Variants in RYR3 observed in about 807,000 individuals in gnomAD.
RYR3 encodes brain ryanodine receptor-calcium release channel.
In RYR3, 207 loss-of-function variants were observed where a neutral mutation model predicts 584.3. The observed-to-expected ratio is 0.35, with a 90% CI of 0.32 to 0.40. RYR3 has a LOEUF of 0.40. Among genes scored for constraint, RYR3 ranks in the 10% least tolerant of loss-of-function variants. The probability of loss-of-function intolerance (pLI) is 1.00; values close to 1 mark genes in which losing one functional copy is unlikely to be tolerated. For synonymous variants in RYR3, 2,416 were observed against 2,248.5 expected (o/e 1.07, Z -2.11); for missense variants, 5,616 against 6,089.2 (o/e 0.92, Z 2.59).
At position 33,731,550 on chromosome 15, in the gene RYR3, G is replaced by T; in HGVS notation, c.7280G>T (p.Arg2427Ile). Residue 2427 changes from arginine (R) to isoleucine (I), a missense_variant, in exon 48 of 104, where the codon AGA becomes ATA. Physicochemically the swap from Arg to Ile is moderately conservative, Grantham distance 97. Around this residue, in one of 9 missense-constraint regions of RYR3, gnomAD observed 1,280 missense variants for 1,426.2 expected, o/e 0.90. Transcript: ENST00000634891. The stretch of plus-strand genomic sequence containing the variant: ...TCTGCTGTGCTCCCGCTCCTCACAA[G>T]ATGTGCCCCTCTCTTTGCCGGAACA... ...ICSAVLPLLT[R>I]CAPLFAGTEH... 6.2e-7 allele frequency: 1 copy of T among 1,613,912 alleles called. No homozygotes were observed. Among genetic ancestry groups the T allele is most frequent in the Non-Finnish European group, 8.5e-7 (1 of 1,179,852 alleles).
intron 18 of RYR3, among the ~76,000 whole-genome samples, chr15:33,606,440 C>T (rs953402061): frequency 2.0e-5 from 3 of 152,194 alleles, no homozygotes; most frequent in African/African-American, 7.2e-5. Context: ...ACCCCCATTC[C>T]ATGCTGAATG....
intron 60 of RYR3, among the ~76,000 whole-genome samples, chr15:33,763,745 T>G (rs146803904): frequency 0.28 from 42,052 of 151,608 alleles, 7,181 homozygotes; most frequent in Admixed American, 0.47. Context: ...TACAAAAAAT[T>G]AGCCAGGCAT....
rs1323314044 is a variant in RYR3 at position 33,577,090 on chromosome 15, T to TA, written c.1269-2880dup. ...GTGAAGGACTTCTTCAAGGAGAACT[T>TA]AAAAAACACTCGTCAAAGAAATTAG... On this transcript the variant is annotated intron_variant, in intron 12 of 103. Transcript: ENST00000634891. 3.3e-5 allele frequency among the ~76,000 whole-genome samples: 5 copies of TA among 152,066 alleles called. No homozygotes were observed. The East Asian group carries it at 9.7e-4, about 29-fold the overall frequency.
At chr15:33,555,753 A>T (rs901125762) in intron 10 of RYR3, among the ~76,000 whole-genome samples, 1 of 152,212 alleles carries the variant, frequency 6.6e-6, no homozygotes, top group African/African-American at 2.4e-5. Flanking sequence ...GTTAAATGAG[A>T]AATACGGAGA....
At chr15:33,571,701 G>C (rs1194970740) in intron 12 of RYR3, among the ~76,000 whole-genome samples, 1 of 152,092 alleles carries the variant, frequency 6.6e-6, no homozygotes, top group African/African-American at 2.4e-5. Flanking sequence ...TGAATATAAA[G>C]TGTGTCCCTT....
At chr15:33,792,705 G>C (rs1452551320) in intron 67 of RYR3, among the ~76,000 whole-genome samples, 1 of 152,186 alleles carries the variant, frequency 6.6e-6, no homozygotes, top group Non-Finnish European at 1.5e-5. Flanking sequence ...AAATGTGAAG[G>C]CTTGTGGGAA....
chr15:33,464,493 CATATATAT>C (rs761907118), intron 1 of RYR3, among the ~76,000 whole-genome samples: 1,350 of 107,290 alleles, frequency 0.013, 65 homozygotes, highest in African/African-American at 0.048. Flanking sequence ...TATATATACA[CATATATAT>C]ATACATACAC....
chr15:33,697,940 A>C lies in RYR3; in HGVS notation c.6193A>C (p.Met2065Leu). 1 of 1,614,028 alleles carries C rather than the reference A, an allele frequency of 6.2e-7. No individual in the cohort carries two copies. Among genetic ancestry groups the C allele is most frequent in the East Asian group, 2.2e-5 (1 of 44,886 alleles). Residue 2065 changes from methionine to leucine, a missense_variant, in exon 40 of 104, where the codon ATG becomes CTG. Met to Leu is a conservative substitution (Grantham distance 15, BLOSUM62 2). Coordinates refer to ENST00000634891, the MANE Select transcript of RYR3 (RefSeq NM_001036.6). The part of the protein sequence containing the change: ...QHPNLMRVLG[M>L]HETVMEVMVN... ...TCCCAACCTCATGAGAGTCCTGGGC[A>C]TGCACGAGACGGTGATGGAGGTGAT...
chr15:33,335,691 TTAAAA>T (rs1970879748), intron 1 of RYR3, among the ~76,000 whole-genome samples: 1 of 151,596 alleles, frequency 6.6e-6, no homozygotes, highest in South Asian at 2.1e-4. Context: ...ACACTTGAGC[TTAAAA>T]TAAAAGTGAA....
At chr15:33,397,092 T>A (rs769767756) in intron 1 of RYR3, among the ~76,000 whole-genome samples, 1 of 152,180 alleles carries the variant, frequency 6.6e-6, no homozygotes, top group Non-Finnish European at 1.5e-5. Flanking sequence ...CTGAAAAAAT[T>A]ACAATGTATA....
At chr15:33,764,467 A>G (rs1218134776) in intron 60 of RYR3, among the ~76,000 whole-genome samples, 2 of 151,990 alleles carry the variant, frequency 1.3e-5, no homozygotes, top group African/African-American at 4.8e-5. Context: ...TAGGAGAAAT[A>G]CCTAATGTAG....
Position 33,636,467 on chromosome 15 carries a change from C to CAATGATCT in RYR3, c.3474_3481dup (p.Phe1161Ter). The CAATGATCT allele has an allele frequency of 6.2e-7, 1 of 1,613,682 alleles. No homozygotes were observed. The highest frequency in any genetic ancestry group is 8.5e-7 in the Non-Finnish European group (1 of 1,179,750). ...TGTATGATTAACCTGGATGATGCTT[C>CAATGATCT]AATGATCTTCACACTGAATGGGGAG... is the stretch of plus-strand genomic sequence containing the variant. On this transcript the variant is annotated frameshift_variant, in exon 27 of 104. Coordinates refer to ENST00000634891, the MANE Select transcript of RYR3 (RefSeq NM_001036.6). LOFTEE classifies it high-confidence loss of function.
At chr15:33,500,018 C>G (rs1383558932) in intron 2 of RYR3, among the ~76,000 whole-genome samples, 2 of 152,180 alleles carry the variant, frequency 1.3e-5, no homozygotes, top group Admixed American at 1.3e-4. Context: ...CAGCCATAAT[C>G]AGCACCACAC....
intron 3 of RYR3, among the ~76,000 whole-genome samples, chr15:33,529,823 C>T (rs913136445): frequency 6.6e-6 from 1 of 152,154 alleles, no homozygotes; most frequent in African/African-American, 2.4e-5. Flanking sequence ...AGTTTTGTCT[C>T]CTATCATGTA....
intron 45 of RYR3, among the ~76,000 whole-genome samples, chr15:33,724,974 G>A (rs2068238383): frequency 6.6e-6 from 1 of 151,992 alleles, no homozygotes; most frequent in South Asian, 2.1e-4. Context: ...GGCGGGGGTG[G>A]AGAGGGTCAG....
chr15:33,554,686 G>C (rs555145934), intron 10 of RYR3, among the ~76,000 whole-genome samples: 1 of 152,278 alleles, frequency 6.6e-6, no homozygotes, highest in South Asian at 2.1e-4. Context: ...CAATGAGAGA[G>C]ATTCATTTTA....
rs772108766 is a variant in RYR3, at chr15:33,861,073, C to G, written c.14365-5C>G. ...AATGCCTTTTCTGCCTGTTATTTTT[C>G]TTAGACTAAATGTTTCATCTGTGGG... is the stretch of plus-strand genomic sequence containing the variant. On this transcript the variant is annotated splice_polypyrimidine_tract_variant and splice_region_variant and intron_variant, in intron 101 of 103. Coordinates refer to ENST00000634891, the MANE Select transcript of RYR3 (RefSeq NM_001036.6). The G allele has an allele frequency of 1.3e-6, 2 of 1,574,316 alleles. No individual in the cohort carries two copies. The highest frequency in any genetic ancestry group is 1.3e-5 in the African/African-American group (1 of 74,244).
intron 1 of RYR3, among the ~76,000 whole-genome samples, chr15:33,434,680 T>A (rs1050119970): frequency 6.6e-6 from 1 of 152,184 alleles, no homozygotes; most frequent in African/African-American, 2.4e-5. Context: ...TACCGATAAC[T>A]GTGTGCCCCT....
intron 14 of RYR3, among the ~76,000 whole-genome samples, chr15:33,583,083 C>T (rs2152518910): frequency 6.6e-6 from 1 of 152,274 alleles, no homozygotes; most frequent in Non-Finnish European, 1.5e-5. Flanking sequence ...TAGGAACAGA[C>T]ATCAGGATCA....
Sources: gnomAD v4.1 joint callset for allele counts (sites outside exome capture counted in the v4.1 genomes callset) on GRCh38, gnomAD v4.1.1 for gene constraint, gnomAD v4.1.1 regional missense constraint, MANE v1.5 for transcripts, NCBI Gene and HGNC (gene_info 2026-07-23, HGNC 2026-07-21) for gene names.